CNTNAP5: variants seen among roughly 807,000 people sequenced by gnomAD.
The protein encoded by CNTNAP5 is contactin associated protein family member 5.
Under a neutral mutation model 150.2 loss-of-function variants are expected in CNTNAP5, and 72 were observed. The observed-to-expected ratio is 0.48, with a 90% CI of 0.40 to 0.58. CNTNAP5 has a LOEUF of 0.58. CNTNAP5 is among the 20% of genes least tolerant of loss of function. The pLI, the probability that CNTNAP5 is intolerant of heterozygous loss-of-function variation, is 0.00. For synonymous variants in CNTNAP5, 672 were observed against 619.8 expected (o/e 1.08, Z -1.25); for missense variants, 1,636 against 1,626.2 (o/e 1.01, Z -0.10).
chr2:124,152,601 T>G (rs1241841112), intron 1 of CNTNAP5, among the ~76,000 whole-genome samples: 2 of 152,074 alleles, frequency 1.3e-5, no homozygotes, highest in Non-Finnish European at 2.9e-5. Context: ...GGAGGTTTTG[T>G]GGAGGGAGAG....
At chr2:124,328,936 A>G (rs940757346) in intron 3 of CNTNAP5, among the ~76,000 whole-genome samples, 1 of 152,212 alleles carries the variant, frequency 6.6e-6, no homozygotes, top group African/African-American at 2.4e-5. Context: ...GAACCTGCAT[A>G]ACCATGGGAG....
intron 13 of CNTNAP5, among the ~76,000 whole-genome samples, chr2:124,671,819 T>C (rs1342106674): frequency 6.6e-6 from 1 of 152,114 alleles, no homozygotes; most frequent in East Asian, 1.9e-4. Context: ...TTTGTATTTT[T>C]AGTAGAGACA....
intron 1 of CNTNAP5, among the ~76,000 whole-genome samples, chr2:124,051,490 T>C (rs1029185840): frequency 1.3e-5 from 2 of 152,242 alleles, no homozygotes; most frequent in African/African-American, 4.8e-5. Flanking sequence ...CTAGGAATTA[T>C]AGACATTAAA....
chr2:124,097,852 C>A (rs373333077), intron 1 of CNTNAP5, among the ~76,000 whole-genome samples: 2 of 152,116 alleles, frequency 1.3e-5, no homozygotes, highest in East Asian at 3.9e-4. Flanking sequence ...CACGGTGAAA[C>A]CCCGTCTCTA....
chr2:124,720,556 TA>T (rs1680028883), intron 13 of CNTNAP5, among the ~76,000 whole-genome samples: 1 of 152,218 alleles, frequency 6.6e-6, no homozygotes, highest in Non-Finnish European at 1.5e-5. Flanking sequence ...AATCACTTTT[TA>T]AATTTGATTT....
In CNTNAP5 at chr2:124,156,776, A is replaced by T. The variant is rs184061906; in HGVS notation, c.83-64929A>T. Among the ~76,000 whole-genome samples, 34 of 152,316 alleles carry T rather than the reference A, an allele frequency of 2.2e-4. 1 individual carries two copies. In the East Asian group the frequency reaches 5.0e-3, roughly 23 times the overall value. On this transcript the variant is annotated intron_variant, in intron 1 of 23. Coordinates refer to ENST00000682447, the MANE Select transcript of CNTNAP5 (RefSeq NM_001367498.1). The stretch of plus-strand genomic sequence containing the variant: ...AGTGCTGGGATTACAGGCGTGAGCC[A>T]CCGTGCCCAGCCCATTTTGCCTAAT...
intron 12 of CNTNAP5, among the ~76,000 whole-genome samples, chr2:124,628,599 C>A (rs1271109902): frequency 6.6e-6 from 1 of 152,142 alleles, no homozygotes; most frequent in African/African-American, 2.4e-5. Context: ...CCATTAGCAG[C>A]CACTACAAAA....
chr2:124,424,863 C>A (rs1170783569), intron 4 of CNTNAP5, among the ~76,000 whole-genome samples: 2 of 152,150 alleles, frequency 1.3e-5, no homozygotes, highest in African/African-American at 4.8e-5. Context: ...GAAACCAAGT[C>A]TTTGGCAAGG....
At chr2:124,056,312 G>A (rs919545564) in intron 1 of CNTNAP5, among the ~76,000 whole-genome samples, 7 of 152,002 alleles carry the variant, frequency 4.6e-5, no homozygotes, top group African/African-American at 1.7e-4. Flanking sequence ...TCTCTTTTCT[G>A]TCTCAGCATC....
chr2:124,459,338 C>T (rs1406056401), intron 6 of CNTNAP5, among the ~76,000 whole-genome samples: 3 of 152,126 alleles, frequency 2.0e-5, no homozygotes, highest in Admixed American at 2.0e-4. Context: ...CCTCCCTACC[C>T]CTGTGGGAGG....
chr2:124,416,933 T>G (rs577646160), intron 3 of CNTNAP5, among the ~76,000 whole-genome samples: 1 of 139,826 alleles, frequency 7.2e-6, no homozygotes, highest in South Asian at 2.5e-4. Context: ...TTAAGAGGGA[T>G]TTCTTTTTTT....
At chr2:124,542,294 G>A (rs986521866) in intron 10 of CNTNAP5, among the ~76,000 whole-genome samples, 1 of 148,610 alleles carries the variant, frequency 6.7e-6, no homozygotes, top group Non-Finnish European at 1.5e-5. Flanking sequence ...TGAGCATCTA[G>A]TATGTTCCAG....
intron 1 of CNTNAP5, among the ~76,000 whole-genome samples, chr2:124,132,262 A>G (rs1170744637): frequency 1.3e-5 from 2 of 152,184 alleles, no homozygotes; most frequent in African/African-American, 4.8e-5. Flanking sequence ...AAGGTTCCTC[A>G]TAGCGCTCAC....
At chr2:124,622,444 T>C (rs547382668) in intron 12 of CNTNAP5, among the ~76,000 whole-genome samples, 31 of 152,314 alleles carry the variant, frequency 2.0e-4, no homozygotes, top group African/African-American at 7.2e-4. Flanking sequence ...CATGCATGTA[T>C]TTTTATAAAA....
intron 13 of CNTNAP5, among the ~76,000 whole-genome samples, chr2:124,686,789 A>C (rs1679201548): frequency 6.6e-6 from 1 of 152,200 alleles, no homozygotes; most frequent in African/African-American, 2.4e-5. Flanking sequence ...ATTTGATATA[A>C]TCTAGACAAG....
chr2:124,392,561 A>C (rs946067905), intron 3 of CNTNAP5, among the ~76,000 whole-genome samples: 2 of 152,100 alleles, frequency 1.3e-5, no homozygotes, highest in South Asian at 4.1e-4. Context: ...ATTGAAATTT[A>C]TTCATACACC....
intron 4 of CNTNAP5, among the ~76,000 whole-genome samples, chr2:124,433,107 A>G (rs1692432171): frequency 6.6e-6 from 1 of 152,202 alleles, no homozygotes; most frequent in Admixed American, 6.5e-5. Context: ...TTTAGAATCC[A>G]TTATGTTATC....
intron 20 of CNTNAP5, among the ~76,000 whole-genome samples, chr2:124,867,211 A>T (rs1182447968): frequency 6.6e-6 from 1 of 152,160 alleles, no homozygotes; most frequent in African/African-American, 2.4e-5. Context: ...TATACAGACA[A>T]CAATAGCTAA....
chr2:124,671,870 C>A (rs559470639), intron 13 of CNTNAP5, among the ~76,000 whole-genome samples: 1 of 152,206 alleles, frequency 6.6e-6, no homozygotes, highest in Non-Finnish European at 1.5e-5. Flanking sequence ...AAATTCCTGA[C>A]CTCAGGTGAT....
Sources: allele counts gnomAD v4.1 joint callset (sites outside exome capture counted in the v4.1 genomes callset), GRCh38; gene constraint gnomAD v4.1.1; transcripts MANE v1.5; gene names NCBI Gene and HGNC (gene_info 2026-07-23, HGNC 2026-07-21).